The following MYBPC2 variants were observed in gnomAD, a reference collection of about 807,000 sequenced individuals.
MYBPC2 encodes myosin-binding protein C, fast-type.
In MYBPC2, 122 loss-of-function variants were observed where a neutral mutation model predicts 137.0. The observed-to-expected ratio is 0.89, with a 90% CI of 0.77 to 1.03. The LOEUF (loss-of-function observed/expected upper bound fraction) is 1.03. MYBPC2 is among the 50% of genes least tolerant of loss of function. The pLI is 0.00. For missense variants in MYBPC2, 1,500 were observed against 1,534.4 expected (o/e 0.98, Z 0.37); for synonymous variants, 626 against 612.3 (o/e 1.02, Z -0.33).
At position 50,465,838 on chromosome 19, in the gene MYBPC2, T is replaced by A. The variant is rs539146857; in HGVS notation, c.3416-357T>A. Among the ~76,000 whole-genome samples the A allele has an allele frequency of 1.8e-3, 272 of 152,168 alleles. 1 individual carries two copies. Among genetic ancestry groups the A allele is most frequent in the African/African-American group, 6.3e-3 (263 of 41,504 alleles). On this transcript the variant is annotated intron_variant, in intron 27 of 27. Transcript: ENST00000357701. The surrounding 1 kb of genome is among the most constrained non-coding windows in gnomAD (Gnocchi z 4.5). The stretch of plus-strand genomic sequence containing the variant: ...CCAGCCTGGTGCAACAGAGTGAGAC[T>A]CTGTCTCAAAAACCAAACAAAAACA...
Position 50,435,163 on chromosome 19 carries a change from G to A in MYBPC2, c.22G>A (p.Ala8Thr), listed in dbSNP as rs2039690654. 7.6e-7 allele frequency: 1 copy of A among 1,315,004 alleles called. No individual in the cohort carries two copies. The allele number at this position is 1,315,004 out of a possible 1,614,324, so 81.5% of individuals were successfully genotyped here. A position where few individuals can be genotyped will look rare whatever the true frequency, so the allele number is the denominator to read the frequency against. The change falls in exon 2 of 28, where the codon GCC becomes ACC. Residue 8 changes from alanine to threonine, a missense_variant and splice_region_variant. By Grantham distance (58) the Ala-to-Thr change is moderately conservative. Transcript: ENST00000357701. The surrounding 1 kb of genome is among the most constrained non-coding windows in gnomAD (Gnocchi z 4.8). ...TATGACTGTCCCCTACCTTACAGCG[G>A]CCAAAAAGGCCCCCAAAGGCAAAGA... MPEAKPA[A>T]KKAPKGKDAP...
rs377632366 is a variant in MYBPC2 at position 50,451,275 on chromosome 19, T to C, written c.1580-5T>C. On this transcript the variant is annotated splice_polypyrimidine_tract_variant and splice_region_variant and intron_variant, in intron 14 of 27. Coordinates refer to ENST00000357701, the MANE Select transcript of MYBPC2 (RefSeq NM_004533.4). ...CCTAACTGTCCAGTCTTCTTTGTCT[T>C]GCAGAAATCAAGGTGGAGTACGTTC... 398 of 1,613,566 alleles carry C rather than the reference T, an allele frequency of 2.5e-4. No homozygotes were observed. Among genetic ancestry groups the C allele is most frequent in the Non-Finnish European group, 3.1e-4 (368 of 1,179,846 alleles).
chr19:50,436,195 G>T lies in MYBPC2; in HGVS notation c.345+35G>T, dbSNP rs750253201. On this transcript the variant is annotated intron_variant, in intron 4 of 27. Transcript: ENST00000357701. The stretch of plus-strand genomic sequence containing the variant: ...CCGTGGGCCAGAGGGCTGGTGGAGG[G>T]GAGTGGAGCTTGTGCAGGACATGCT... The T allele has an allele frequency of 5.1e-6, 8 of 1,564,324 alleles. No individual in the cohort carries two copies. In the South Asian group the frequency reaches 9.4e-5, roughly 18 times the overall value.
Position 50,441,061 on chromosome 19 carries a change from G to A in MYBPC2, c.754G>A (p.Val252Ile). ...GCGGCTGAAAAAGGCTAAGGTCGAG[G>A]TCAAGAAGAGTGCAGGTCAGCCCTG... ...LKRLKKAKVE[V>I]KKSAAFTKKL... Residue 252 changes from valine (V) to isoleucine (I), a missense_variant, in exon 8 of 28, where the codon GTC becomes ATC. Val to Ile is a conservative substitution (Grantham distance 29, BLOSUM62 3). Transcript: ENST00000357701. The A allele has an allele frequency of 1.9e-6, 3 of 1,595,188 alleles. No individual in the cohort carries two copies. Among genetic ancestry groups the A allele is most frequent in the East Asian group, 2.3e-5 (1 of 43,778 alleles).
rs2039697070 is a variant in MYBPC2 at position 50,435,803 on chromosome 19, C to G, written c.137C>G (p.Thr46Ser). Residue 46 changes from threonine (T) to serine (S), a missense_variant, in exon 3 of 28, where the codon ACT becomes AGT. By Grantham distance (58) the Thr-to-Ser change is moderately conservative. Coordinates refer to ENST00000357701, the MANE Select transcript of MYBPC2 (RefSeq NM_004533.4). This position sits in a 1 kb window ranked among gnomAD's most constrained non-coding sequence, Gnocchi z 4.8. ...KEAPPEDQSP[T>S]AEEPTGVFLK... ...GCCCCACCCGAGGACCAGTCCCCGA[C>G]TGCAGAGGAGCCCACCGGCGTTTTC... 1 of 1,611,906 alleles carries G rather than the reference C, an allele frequency of 6.2e-7. No homozygotes were observed.
intron 1 of MYBPC2, among the ~76,000 whole-genome samples, chr19:50,433,641 C>T (rs1398957136): frequency 2.6e-5 from 4 of 152,200 alleles, no homozygotes; most frequent in Admixed American, 2.0e-4. Flanking sequence ...GTGATCCACC[C>T]GCCTCAGCCT....
In MYBPC2 at chr19:50,437,566, G is replaced by A. The variant is rs757366408; in HGVS notation, c.512+45G>A. 3.1e-6 allele frequency: 5 copies of A among 1,600,926 alleles called. No individual in the cohort carries two copies. The South Asian group carries it at 3.4e-5, about 11-fold the overall frequency. ...TACCAGGGTCCCAAGGACCATGGGAGGCTCTCCCTTGGAAGGGGAAAAAGG... is the reference window on the plus strand; with the variant it reads ...TACCAGGGTCCCAAGGACCATGGGAAGCTCTCCCTTGGAAGGGGAAAAAGG... On this transcript the variant is annotated intron_variant, in intron 6 of 27. Coordinates refer to ENST00000357701, the MANE Select transcript of MYBPC2 (RefSeq NM_004533.4).
At chr19:50,458,313 A>T (rs1456373337) in intron 20 of MYBPC2, among the ~76,000 whole-genome samples, 3 of 151,310 alleles carry the variant, frequency 2.0e-5, no homozygotes, top group African/African-American at 7.3e-5. Flanking sequence ...CCACCTAAAA[A>T]AAAAAAAAAA....
rs767357459 is a variant in MYBPC2 at position 50,451,987 on chromosome 19, G to A, written c.1733G>A (p.Trp578Ter). The part of the protein sequence containing the change: ...ITGEPPPVAT[W>*]LKGDEVFTTT... ...GGGGAGCCCCCTCCCGTCGCTACCTGGCTGAAGGGAGATGAGGTGGGTTGG... is the reference window on the plus strand; with the variant it reads ...GGGGAGCCCCCTCCCGTCGCTACCTAGCTGAAGGGAGATGAGGTGGGTTGG... Residue 578 changes from tryptophan to a stop codon, truncating the protein, a stop_gained, in exon 16 of 28, where the codon TGG becomes TAG. Transcript: ENST00000357701. LOFTEE classifies it high-confidence loss of function. 7 of 1,552,740 alleles carry A rather than the reference G, an allele frequency of 4.5e-6. No individual in the cohort carries two copies. The South Asian group carries it at 8.3e-5, about 18-fold the overall frequency.
At chr19:50,448,534 TCTC>T (rs1377469137) in intron 13 of MYBPC2, 144 bp downstream of exon 13, 1 of 1,132,584 alleles carries the variant, frequency 8.8e-7, no homozygotes, top group Non-Finnish European at 1.2e-6. Context: ...AATGGCGCGA[TCTC>T]AGCTCACTGC....
intron 16 of MYBPC2, among the ~76,000 whole-genome samples, chr19:50,453,078 G>A (rs531807634): frequency 6.0e-4 from 91 of 152,012 alleles, no homozygotes; most frequent in Admixed American, 4.8e-3. Flanking sequence ...AGTTGGATGC[G>A]GCTCCTGCCC....
chr19:50,446,108 T>G, intron 12 of MYBPC2, 56 bp downstream of exon 12: 1 of 1,555,550 alleles, frequency 6.4e-7, no homozygotes, highest in Non-Finnish European at 8.7e-7. Flanking sequence ...TCCACACAGC[T>G]TGAGGTTGCT....
chr19:50,444,285 TCCA>T (rs2039783567), intron 11 of MYBPC2, among the ~76,000 whole-genome samples: 2 of 84,782 alleles, frequency 2.4e-5, no homozygotes, highest in African/African-American at 7.3e-5. Flanking sequence ...CATCTGTCCA[TCCA>T]TTCATCCATC....
In MYBPC2 at chr19:50,435,922, G is replaced by A. The variant is rs1601279920; in HGVS notation, c.196+60G>A. On this transcript the variant is annotated intron_variant, in intron 3 of 27. Transcript: ENST00000357701. The surrounding 1 kb of genome is among the most constrained non-coding windows in gnomAD (Gnocchi z 4.8). Reference sequence around the variant, plus strand: ...CGGACTCCTGGGTCTGAGGGAGGAGGGGCCAGGGTCTCGTTCTGTCTCCCT... The same window carrying A: ...CGGACTCCTGGGTCTGAGGGAGGAGAGGCCAGGGTCTCGTTCTGTCTCCCT... The A allele has an allele frequency of 1.9e-6, 3 of 1,548,690 alleles. No individual in the cohort carries two copies. Among genetic ancestry groups the A allele is most frequent in the Non-Finnish European group, 2.6e-6 (3 of 1,143,354 alleles).
rs774485875 is a variant in MYBPC2, at chr19:50,451,977, G to A, written c.1723G>A (p.Val575Ile). The A allele has an allele frequency of 1.7e-5, 26 of 1,553,430 alleles. No homozygotes were observed. The South Asian group carries it at 2.1e-4, about 13-fold the overall frequency. ...GTCCATCACAGGGGAGCCCCCTCCC[G>A]TCGCTACCTGGCTGAAGGGAGATGA... Reference protein sequence around the residue: ...DVSITGEPPPVATWLKGDEVF... With the variant: ...DVSITGEPPPIATWLKGDEVF... The change falls in exon 16 of 28, where the codon GTC (valine) becomes ATC (isoleucine). Residue 575 changes from valine (V) to isoleucine (I), a missense_variant. Transcript: ENST00000357701.
intron 19 of MYBPC2, 75 bp from the exon 20 acceptor site, chr19:50,455,435 C>T: frequency 6.4e-7 from 1 of 1,574,024 alleles, no homozygotes; most frequent in Non-Finnish European, 8.7e-7. Flanking sequence ...ATCATTCTAC[C>T]TCTGACTCCT....
intron 21 of MYBPC2, 71 bp downstream of exon 21, chr19:50,458,825 C>G: frequency 6.3e-7 from 1 of 1,597,270 alleles, no homozygotes; most frequent in Non-Finnish European, 8.5e-7. Context: ...TCCGTGTCGT[C>G]GACAGGACCT....
In MYBPC2 at chr19:50,436,602, C is replaced by T. The variant is rs759601732; in HGVS notation, c.346-15C>T. 2.4e-5 allele frequency: 38 copies of T among 1,609,680 alleles called. No individual in the cohort carries two copies. The highest frequency in any genetic ancestry group is 1.9e-4 in the South Asian group (17 of 90,882). ...GGGTGGTCCCGTGCACCCACACCCC[C>T]GGCCCTGGACCCAGGTGTACACCGT... On this transcript the variant is annotated splice_polypyrimidine_tract_variant and intron_variant, in intron 4 of 27. Transcript: ENST00000357701.
Position 50,450,856 on chromosome 19 carries a change from C to T in MYBPC2, c.1500C>T (p.Val500=), listed in dbSNP as rs774766650. 12 of 1,576,420 alleles carry T rather than the reference C, an allele frequency of 7.6e-6. No homozygotes were observed. The Admixed American group carries it at 1.1e-4, about 14-fold the overall frequency. Residue 500 remains valine, a synonymous_variant, in exon 14 of 28, where the codon GTC becomes GTT. Transcript: ENST00000357701. The stretch of plus-strand genomic sequence containing the variant: ...TCCACAAGCTGGTGATCGATGACGT[C>T]CGCCCCGAGGATGAGGGAGACTACA... ...GRFHKLVIDD[V]RPEDEGDYTF... is the part of the protein sequence containing the mutation.
Sources: allele counts gnomAD v4.1 joint callset (sites outside exome capture counted in the v4.1 genomes callset), GRCh38; gene constraint gnomAD v4.1.1; non-coding constraint Gnocchi (gnomAD v3.1); transcripts MANE v1.5; gene names NCBI Gene and HGNC (gene_info 2026-07-23, HGNC 2026-07-21).